Variants in ZNF407 observed in about 807,000 individuals in gnomAD.
The protein encoded by ZNF407 is zinc finger protein 407.
A neutral mutation model predicts 131.2 loss-of-function variants in ZNF407; 17 were observed. The observed-to-expected ratio is 0.13, with a 90% CI of 0.09 to 0.19. The LOEUF (loss-of-function observed/expected upper bound fraction) is 0.19, where lower values mean the gene tolerates loss of function less well. Among genes scored for constraint, ZNF407 ranks in the 10% least tolerant of loss-of-function variants. The pLI is 1.00. For synonymous variants in ZNF407, 1,156 were observed against 1,062.0 expected (o/e 1.09, Z -1.72); for missense variants, 2,681 against 2,830.6 (o/e 0.95, Z 1.20).
In ZNF407 at chr18:74,731,937, A is replaced by G. The variant is rs189580323; in HGVS notation, c.4803-49491A>G. Among the ~76,000 whole-genome samples, 371 of 152,160 alleles carry G rather than the reference A, an allele frequency of 2.4e-3. 1 individual carries two copies. The highest frequency in any genetic ancestry group is 8.6e-3 in the African/African-American group (355 of 41,476). The stretch of plus-strand genomic sequence containing the variant: ...GTATAGATCATGAAGAACAAGCGCT[A>G]GGTCCTAGAACAGAAAGAAATCATC... On this transcript the variant is annotated intron_variant, in intron 3 of 8. Transcript: ENST00000299687.
At chr18:74,743,807 T>C (rs1306514846) in intron 3 of ZNF407, among the ~76,000 whole-genome samples, 1 of 152,024 alleles carries the variant, frequency 6.6e-6, no homozygotes, top group African/African-American at 2.4e-5. Context: ...TTCCTGCTTA[T>C]AAGACATACT....
intron 2 of ZNF407, among the ~76,000 whole-genome samples, chr18:74,637,163 C>A (rs1294483748): frequency 2.0e-5 from 3 of 152,170 alleles, no homozygotes; most frequent in African/African-American, 7.2e-5. Flanking sequence ...AATTCAAGAA[C>A]AGAGTAAGGC....
At chr18:74,809,906 G>A (rs1255519666) in intron 4 of ZNF407, among the ~76,000 whole-genome samples, 1 of 152,212 alleles carries the variant, frequency 6.6e-6, no homozygotes, top group Non-Finnish European at 1.5e-5. Flanking sequence ...AGGCAGAGCT[G>A]ATGGCACTTG....
intron 8 of ZNF407, among the ~76,000 whole-genome samples, chr18:74,983,321 A>G (rs1022663836): frequency 6.6e-6 from 1 of 152,192 alleles, no homozygotes; most frequent in Non-Finnish European, 1.5e-5. Context: ...AGGTAGGCAC[A>G]GTCAGGTGTT....
intron 8 of ZNF407, among the ~76,000 whole-genome samples, chr18:74,943,196 G>C (rs1357965462): frequency 6.6e-6 from 1 of 152,132 alleles, no homozygotes; most frequent in Non-Finnish European, 1.5e-5. Context: ...GATTACAGGT[G>C]TGAGCCACCA....
chr18:74,668,353 G>A (rs370404933), intron 3 of ZNF407, among the ~76,000 whole-genome samples: 39 of 107,828 alleles, frequency 3.6e-4, no homozygotes, highest in East Asian at 1.2e-3. Flanking sequence ...CAAATATTCC[G>A]AAACTGGAAA....
intron 1 of ZNF407, among the ~76,000 whole-genome samples, chr18:74,602,221 A>G (rs570051026): frequency 1.3e-3 from 193 of 152,354 alleles, no homozygotes; most frequent in Admixed American, 2.3e-3. Context: ...AGTGTAAAGG[A>G]ATTACAGCCT....
At chr18:75,019,382 C>T (rs1182096787) in intron 8 of ZNF407, among the ~76,000 whole-genome samples, 2 of 152,176 alleles carry the variant, frequency 1.3e-5, no homozygotes, top group African/African-American at 2.4e-5. Context: ...AAAGTGTGCG[C>T]AGTGGTCCTC....
chr18:74,811,453 G>C (rs1228407899), intron 4 of ZNF407, among the ~76,000 whole-genome samples: 1 of 152,158 alleles, frequency 6.6e-6, no homozygotes, highest in Admixed American at 6.5e-5. Context: ...AACCATTGTG[G>C]AAGTCAGTGT....
chr18:74,681,396 A>G (rs1243199875), intron 3 of ZNF407, among the ~76,000 whole-genome samples: 1 of 152,058 alleles, frequency 6.6e-6, no homozygotes, highest in Non-Finnish European at 1.5e-5. Flanking sequence ...AGTGCCTGCC[A>G]CACACCTGGC....
chr18:74,811,938 G>A (rs930148801), intron 4 of ZNF407, among the ~76,000 whole-genome samples: 2 of 151,424 alleles, frequency 1.3e-5, no homozygotes, highest in Admixed American at 6.6e-5. Flanking sequence ...GCTAAATGAC[G>A]AGTTAATGGG....
At chr18:74,881,939 A>G (rs1428583111) in intron 6 of ZNF407, among the ~76,000 whole-genome samples, 1 of 152,232 alleles carries the variant, frequency 6.6e-6, no homozygotes, top group African/African-American at 2.4e-5. Context: ...CACATCTTAC[A>G]TGGCGACAGA....
intron 3 of ZNF407, among the ~76,000 whole-genome samples, chr18:74,733,956 GC>G (rs1440690505): frequency 1.3e-5 from 2 of 152,014 alleles, no homozygotes; most frequent in African/African-American, 2.4e-5. Context: ...TTTCTGAGAA[GC>G]CTTAGGCCCT....
intron 8 of ZNF407, among the ~76,000 whole-genome samples, chr18:75,037,932 T>A (rs1193049222): frequency 6.6e-6 from 1 of 152,192 alleles, no homozygotes; most frequent in African/African-American, 2.4e-5. Context: ...TTAACTGATG[T>A]CAAAGTTTTA....
At chr18:74,619,946 C>T (rs1433856337) in intron 1 of ZNF407, among the ~76,000 whole-genome samples, 1 of 151,614 alleles carries the variant, frequency 6.6e-6, no homozygotes, top group Non-Finnish European at 1.5e-5. Context: ...CTTTTAATGG[C>T]ATTGAATTTT....
intron 8 of ZNF407, among the ~76,000 whole-genome samples, chr18:74,956,345 G>A (rs557946899): frequency 2.6e-5 from 4 of 151,988 alleles, no homozygotes; most frequent in South Asian, 4.2e-4. Context: ...TGCTCTTGAC[G>A]TCCTCTATTC....
chr18:74,919,536 A>G (rs1345162423), intron 7 of ZNF407, among the ~76,000 whole-genome samples: 2 of 152,168 alleles, frequency 1.3e-5, no homozygotes, highest in Admixed American at 6.5e-5. Flanking sequence ...GGTGATAAAC[A>G]TATTGCTCTA....
intron 8 of ZNF407, among the ~76,000 whole-genome samples, chr18:75,032,618 T>C (rs949956028): frequency 1.3e-5 from 2 of 152,208 alleles, no homozygotes; most frequent in East Asian, 1.9e-4. Flanking sequence ...TCATACGCAT[T>C]TAGCATACTG....
At chr18:75,032,122 C>T (rs762789604) in intron 8 of ZNF407, among the ~76,000 whole-genome samples, 9 of 152,178 alleles carry the variant, frequency 5.9e-5, no homozygotes, top group African/African-American at 2.2e-4. Flanking sequence ...GAGCTCCCCC[C>T]ACACTGAGGG....
Sources: gnomAD v4.1 joint callset for allele counts (sites outside exome capture counted in the v4.1 genomes callset) on GRCh38, gnomAD v4.1.1 for gene constraint, MANE v1.5 for transcripts, NCBI Gene and HGNC (gene_info 2026-07-23, HGNC 2026-07-21) for gene names.